ATRX: variants seen among roughly 807,000 people sequenced by gnomAD.
ATRX encodes the protein chromatin remodeler ATRX.
ATRX carries 12 observed loss-of-function variants against 172.6 expected under a neutral mutation model. That is an observed-to-expected ratio of 0.07 (90% CI 0.04 to 0.11). ATRX has a LOEUF of 0.11. Among genes scored for constraint, ATRX ranks in the 10% least tolerant of loss-of-function variants. The probability of loss-of-function intolerance (pLI) is 1.00; values close to 1 mark genes in which losing one functional copy is unlikely to be tolerated. For synonymous variants in ATRX, 674 were observed against 594.7 expected (o/e 1.13, Z -1.94); for missense variants, 1,368 against 1,767.4 (o/e 0.77, Z 4.05).
rs782497737 is a variant in ATRX, at chrX:77,714,730, C to T, written c.133+2401G>A. 5.4e-5 allele frequency among the ~76,000 whole-genome samples: 6 copies of T among 111,595 alleles called. No homozygotes were observed. The South Asian group carries it at 2.3e-3, about 42-fold the overall frequency. On this transcript the variant is annotated intron_variant, in intron 2 of 34. Coordinates refer to ENST00000373344, the MANE Select transcript of ATRX (RefSeq NM_000489.6). The stretch of plus-strand genomic sequence containing the variant: ...AGGGCCATTTCACAAAGTAACACAC[C>T]TGTACATTTCAAAAAAAGTCATAGT...
intron 22 of ATRX, among the ~76,000 whole-genome samples, chrX:77,610,773 T>C (rs1360140010): frequency 9.2e-6 from 1 of 109,164 alleles, no homozygotes; most frequent in African/African-American, 3.3e-5. Context: ...ATTTAATGTA[T>C]CTTCCTGCAT....
At chrX:77,527,013 A>AT (rs1445233576) in intron 30 of ATRX, among the ~76,000 whole-genome samples, 3 of 112,590 alleles carry the variant, frequency 2.7e-5, no homozygotes, top group African/African-American at 9.7e-5. Flanking sequence ...AAAGTTTCAG[A>AT]TTTTTTGCCT....
At chrX:77,780,150 G>A (rs1243699280) in intron 1 of ATRX, among the ~76,000 whole-genome samples, 2 of 111,299 alleles carry the variant, frequency 1.8e-5, no homozygotes, top group Non-Finnish European at 3.8e-5. Context: ...AGGTATACAT[G>A]ATACTATGAC....
rs1557098530 is a variant in ATRX at position 77,619,018 on chromosome X, A to C, written c.5273-37T>G. Reference sequence around the variant, plus strand: ...GACATTATTCATTAACAACATTAACAATCGTTAAAAAGACTTAGAAAAATT... The same window carrying C: ...GACATTATTCATTAACAACATTAACCATCGTTAAAAAGACTTAGAAAAATT... On this transcript the variant is annotated intron_variant, in intron 20 of 34. Transcript: ENST00000373344. The C allele has an allele frequency of 1.3e-5, 13 of 1,014,710 alleles. No individual in the cohort carries two copies. In the Admixed American group the frequency reaches 3.2e-4, roughly 25 times the overall value. 83.6% of individuals were successfully genotyped at this position (1,014,710 alleles called of 1,213,427 possible).
At position 77,522,249 on chromosome X, in the gene ATRX, A is replaced by C. The variant is rs1293525623; in HGVS notation, c.6975+14T>G. The stretch of plus-strand genomic sequence containing the variant: ...TTAATTCATGTCAAACTACTTTTGT[A>C]CTTCACAACTCACCTCCAGCTGTTG... On this transcript the variant is annotated intron_variant, in intron 32 of 34. Transcript: ENST00000373344. 2.5e-6 allele frequency: 3 copies of C among 1,210,553 alleles called. No individual in the cohort carries two copies. Among genetic ancestry groups the C allele is most frequent in the Non-Finnish European group, 3.4e-6 (3 of 894,522 alleles).
chrX:77,700,177 A>T (rs1463155530), intron 2 of ATRX, among the ~76,000 whole-genome samples: 1 of 111,974 alleles, frequency 8.9e-6, no homozygotes, highest in East Asian at 2.8e-4. Context: ...GCAAGGAAAA[A>T]AAAAGAAATA....
At chrX:77,747,157 A>T (rs781834030) in intron 1 of ATRX, among the ~76,000 whole-genome samples, 3 of 111,753 alleles carry the variant, frequency 2.7e-5, no homozygotes, top group Non-Finnish European at 5.6e-5. Context: ...AAGGCCACTC[A>T]TGTCAAATTC....
intron 25 of ATRX, chrX:77,594,660 TA>T (rs782442663): frequency 3.9e-4 from 44 of 112,201 alleles, no homozygotes; most frequent in Non-Finnish European, 6.4e-4. Context: ...TTAACACTGT[TA>T]AAACTTCGGA....
intron 28 of ATRX, among the ~76,000 whole-genome samples, chrX:77,560,289 T>C (rs185457171): frequency 8.2e-4 from 92 of 111,822 alleles, no homozygotes; most frequent in African/African-American, 2.8e-3. Flanking sequence ...AATTACTCAG[T>C]TCCACTCCCC....
chrX:77,753,601 T>C (rs1185152250), intron 1 of ATRX, among the ~76,000 whole-genome samples: 2 of 111,752 alleles, frequency 1.8e-5, no homozygotes, highest in Non-Finnish European at 3.8e-5. Flanking sequence ...GGGCATTTAG[T>C]GATATAAATT....
Position 77,683,317 on chromosome X carries a change from G to T in ATRX, c.1939C>A (p.Leu647Ile), listed in dbSNP as rs1557140528. 3 of 1,208,584 alleles carry T rather than the reference G, an allele frequency of 2.5e-6. No homozygotes were observed. The East Asian group carries it at 8.9e-5, about 36-fold the overall frequency. ...CTTCGAAGATCAGATTCCTCTAAAAGTAATGAAACTTCATTTTCAACCAAA... is the reference window on the plus strand; with the variant it reads ...CTTCGAAGATCAGATTCCTCTAAAATTAATGAAACTTCATTTTCAACCAAA... The part of the protein sequence containing the change: ...EHLVENEVSL[L>I]LEESDLRRSP... Residue 647 changes from leucine (L) to isoleucine (I), a missense_variant, in exon 9 of 35, where the codon CTT becomes ATT. This residue lies in a region of ATRX where 843 missense variants were observed against 643.1 expected (regional missense o/e 1.31). Coordinates refer to ENST00000373344, the MANE Select transcript of ATRX (RefSeq NM_000489.6).
chrX:77,663,921 G>A (rs1428933913), intron 11 of ATRX, among the ~76,000 whole-genome samples: 2 of 110,830 alleles, frequency 1.8e-5, no homozygotes, highest in Non-Finnish European at 3.8e-5. Flanking sequence ...GATCAACATG[G>A]AGAAACCCCG....
At chrX:77,529,232 T>A (rs1298932968) in intron 30 of ATRX, among the ~76,000 whole-genome samples, 1 of 111,563 alleles carries the variant, frequency 9.0e-6, no homozygotes, top group African/African-American at 3.3e-5. Context: ...AAAACATACT[T>A]TAGGATATCA....
intron 30 of ATRX, among the ~76,000 whole-genome samples, chrX:77,525,492 A>G (rs991941116): frequency 3.6e-5 from 4 of 112,618 alleles, no homozygotes; most frequent in Non-Finnish European, 5.6e-5. Flanking sequence ...CAGGTGTTCT[A>G]CAACACACCA....
At chrX:77,735,334 C>T (rs1450723507) in intron 1 of ATRX, among the ~76,000 whole-genome samples, 5 of 111,530 alleles carry the variant, frequency 4.5e-5, no homozygotes, top group Non-Finnish European at 9.4e-5. Context: ...CAATGACTCA[C>T]GCCTGTAATC....
At chrX:77,522,018 G>T in intron 32 of ATRX, 1 of 356,429 alleles carries the variant, frequency 2.8e-6, no homozygotes, top group Non-Finnish European at 4.9e-6. Flanking sequence ...CAGCCCTATT[G>T]TTTCTTAATT....
intron 21 of ATRX, 23 bp from the exon 22 acceptor site, chrX:77,616,753 T>A (rs1557097092): frequency 9.7e-7 from 1 of 1,034,104 alleles, no homozygotes; most frequent in East Asian, 3.0e-5. Flanking sequence ...AGAAAGAGAA[T>A]GAAAATTAAT....
rs45612933 is a variant in ATRX at position 77,622,314 on chromosome X, T to C, written c.5135-1782A>G. On this transcript the variant is annotated intron_variant, in intron 19 of 34. Coordinates refer to ENST00000373344, the MANE Select transcript of ATRX (RefSeq NM_000489.6). ...GGGCTTAAACCATGGGATAATGGAA[T>C]AAGTCACAGAGTTAAAATTAATGAG... Among the ~76,000 whole-genome samples the C allele has an allele frequency of 3.1e-3, 344 of 111,682 alleles. 4 individuals carry two copies. The highest frequency in any genetic ancestry group is 3.2e-3 in the Non-Finnish European group (170 of 53,197).
At chrX:77,767,169 A>G (rs1372665006) in intron 1 of ATRX, among the ~76,000 whole-genome samples, 1 of 109,503 alleles carries the variant, frequency 9.1e-6, no homozygotes, top group Non-Finnish European at 1.9e-5. Flanking sequence ...AGATGGCAGC[A>G]GTACAGTCCA....
Sources: gnomAD v4.1 joint callset for allele counts (sites outside exome capture counted in the v4.1 genomes callset) on GRCh38, gnomAD v4.1.1 for gene constraint, gnomAD v4.1.1 regional missense constraint, MANE v1.5 for transcripts, NCBI Gene and HGNC (gene_info 2026-07-23, HGNC 2026-07-21) for gene names.